MOSMO: variants seen among roughly 807,000 people sequenced by gnomAD.
MOSMO encodes the protein modulator of smoothened protein.
Under a neutral mutation model 18.4 loss-of-function variants are expected in MOSMO, and 5 were observed. The ratio of observed to expected loss-of-function variants is 0.27; its 90% CI spans 0.14 to 0.57. MOSMO has a LOEUF of 0.57. Among genes scored for constraint, MOSMO ranks in the 20% least tolerant of loss-of-function variants. MOSMO has a pLI of 0.92. For missense variants in MOSMO, 138 were observed against 211.8 expected (o/e 0.65, Z 2.16); for synonymous variants, 82 against 82.3 (o/e 1.00, Z 0.02).
At chr16:22,071,395 A>G (rs949856575) in intron 1 of MOSMO, among the ~76,000 whole-genome samples, 5 of 152,234 alleles carry the variant, frequency 3.3e-5, no homozygotes, top group Non-Finnish European at 5.9e-5. Flanking sequence ...TTGCTCTGAC[A>G]GACTGGTGGC....
intron 1 of MOSMO, among the ~76,000 whole-genome samples, chr16:22,009,804 C>CAAAAAAAA (rs56313303): frequency 0.015 from 522 of 35,974 alleles, 1 homozygote; most frequent in Middle Eastern, 0.077. Flanking sequence ...ACTAAAAATA[C>CAAAAAAAA]AAAAAAAAAA....
At chr16:22,080,347 T>C (rs764595630) in intron 2 of MOSMO, among the ~76,000 whole-genome samples, 7 of 152,140 alleles carry the variant, frequency 4.6e-5, no homozygotes, top group Non-Finnish European at 1.0e-4. Flanking sequence ...TAGTAGGCAA[T>C]AGAGCTGGAA....
At chr16:22,055,091 C>T (rs142046048) in intron 1 of MOSMO, among the ~76,000 whole-genome samples, 1 of 152,108 alleles carries the variant, frequency 6.6e-6, no homozygotes, top group African/African-American at 2.4e-5. Context: ...AAAAGTCTTG[C>T]CTTCTCTCCA....
intron 1 of MOSMO, among the ~76,000 whole-genome samples, chr16:22,043,368 A>G (rs1434839520): frequency 1.3e-5 from 2 of 152,178 alleles, no homozygotes; most frequent in African/African-American, 2.4e-5. Flanking sequence ...TGACATAACT[A>G]TCATTTGACA....
At chr16:22,060,873 CAAAAAAAGAAAAA>C (rs1900630779) in intron 1 of MOSMO, among the ~76,000 whole-genome samples, 6 of 143,440 alleles carry the variant, frequency 4.2e-5, no homozygotes, top group Admixed American at 2.8e-4. Flanking sequence ...AACTCTGTCT[CAAAAAAAGAAAAA>C]AAAAAAAGAA....
intron 1 of MOSMO, among the ~76,000 whole-genome samples, chr16:22,020,069 C>T (rs1488496098): frequency 3.3e-5 from 5 of 151,232 alleles, no homozygotes; most frequent in Non-Finnish European, 7.4e-5. Flanking sequence ...CAAAATTAGC[C>T]AGGCGTGGTG....
At chr16:22,025,962 G>A (rs1899867090) in intron 1 of MOSMO, among the ~76,000 whole-genome samples, 1 of 151,966 alleles carries the variant, frequency 6.6e-6, no homozygotes, top group Non-Finnish European at 1.5e-5. Flanking sequence ...GTAACCATTT[G>A]AACCCCCTTT....
intron 1 of MOSMO, among the ~76,000 whole-genome samples, chr16:22,029,060 CG>C (rs1202556645): frequency 6.6e-6 from 1 of 151,916 alleles, no homozygotes; most frequent in South Asian, 2.1e-4. Context: ...TTAGTAGAGA[CG>C]GGGGTTCACC....
intron 1 of MOSMO, among the ~76,000 whole-genome samples, chr16:22,008,869 C>T (rs997904910): frequency 2.0e-5 from 3 of 152,016 alleles, no homozygotes; most frequent in African/African-American, 7.3e-5. Flanking sequence ...AGTGCGGGAG[C>T]CACTAGAGAG....
intron 1 of MOSMO, among the ~76,000 whole-genome samples, chr16:22,019,947 C>T (rs964113962): frequency 2.6e-5 from 4 of 151,996 alleles, no homozygotes; most frequent in African/African-American, 9.7e-5. Flanking sequence ...GGTGCGGTGG[C>T]TCACGCCTGT....
chr16:22,022,522 C>T (rs1899786840), intron 1 of MOSMO, among the ~76,000 whole-genome samples: 1 of 152,172 alleles, frequency 6.6e-6, no homozygotes, highest in African/African-American at 2.4e-5. Flanking sequence ...CACTAGCATC[C>T]TTCAACCTTC....
chr16:22,045,744 G>A (rs1900294414), intron 1 of MOSMO, among the ~76,000 whole-genome samples: 1 of 152,068 alleles, frequency 6.6e-6, no homozygotes, highest in Non-Finnish European at 1.5e-5. Flanking sequence ...AATTTCTGGG[G>A]AAAAATTGCA....
chr16:22,090,243 A>G (rs1252379858), downstream of MOSMO: 1 of 152,238 alleles, frequency 6.6e-6, no homozygotes, highest in Non-Finnish European at 1.5e-5. Flanking sequence ...CCTAGAAGAA[A>G]GGAAGCTGAG....
intron 1 of MOSMO, among the ~76,000 whole-genome samples, chr16:22,045,688 A>G (rs1407105100): frequency 6.6e-6 from 1 of 152,196 alleles, no homozygotes; most frequent in Non-Finnish European, 1.5e-5. Context: ...CATATATTCT[A>G]TGGATCATTT....
chr16:22,058,317 T>C (rs368183355), intron 1 of MOSMO, among the ~76,000 whole-genome samples: 3 of 151,684 alleles, frequency 2.0e-5, no homozygotes, highest in Admixed American at 6.6e-5. Flanking sequence ...TCCCAGCTAC[T>C]TGGGGGGCTG....
intron 1 of MOSMO, among the ~76,000 whole-genome samples, chr16:22,049,219 A>C (rs757646192): frequency 6.6e-6 from 1 of 150,742 alleles, no homozygotes; most frequent in Non-Finnish European, 1.5e-5. Context: ...AAAAACAAAC[A>C]AACCAGGTTC....
intron 1 of MOSMO, among the ~76,000 whole-genome samples, chr16:22,028,949 G>A (rs1899937560): frequency 6.6e-6 from 1 of 152,092 alleles, no homozygotes; most frequent in Admixed American, 6.6e-5. Context: ...TTGGTTCACT[G>A]CAACCTCCAC....
At chr16:22,087,601 T>A (rs932764337), downstream of MOSMO, 1 of 152,196 alleles carries the variant, frequency 6.6e-6, no homozygotes, top group Non-Finnish European at 1.5e-5. Context: ...TCCTTTCCAT[T>A]TTCCATAATA....
intron 1 of MOSMO, among the ~76,000 whole-genome samples, chr16:22,053,860 T>C (rs1310050961): frequency 1.3e-5 from 2 of 152,146 alleles, no homozygotes; most frequent in African/African-American, 4.8e-5. Context: ...TGGAGGCCCA[T>C]TGTTGAAAGG....
Sources: allele counts gnomAD v4.1 joint callset (sites outside exome capture counted in the v4.1 genomes callset), GRCh38; gene constraint gnomAD v4.1.1; transcripts MANE v1.5; gene names NCBI Gene and HGNC (gene_info 2026-07-23, HGNC 2026-07-21).